Variants in ASB1 observed in about 807,000 individuals in gnomAD.
ASB1 encodes the protein ankyrin repeat and SOCS box protein 1.
A neutral mutation model predicts 27.7 loss-of-function variants in ASB1; 18 were observed. That is an observed-to-expected ratio of 0.65 (90% confidence interval 0.45 to 0.96). The LOEUF (loss-of-function observed/expected upper bound fraction) is 0.96. ASB1 is among the 50% of genes least tolerant of loss of function. The pLI, the probability that ASB1 is intolerant of heterozygous loss-of-function variation, is 0.00. For missense variants in ASB1, 397 were observed against 451.7 expected (o/e 0.88, Z 1.10); for synonymous variants, 189 against 187.6 (o/e 1.01, Z -0.06).
intron 3 of ASB1, among the ~76,000 whole-genome samples, chr2:238,442,683 C>T (rs756758924): frequency 3.3e-5 from 5 of 152,082 alleles, no homozygotes; most frequent in African/African-American, 7.2e-5. Flanking sequence ...TCATATTTTA[C>T]GTTTTAAGTT....
At position 238,435,828 on chromosome 2, in the gene ASB1, G is replaced by A. The variant is rs776952595; in HGVS notation, c.309G>A (p.Glu103=). 2 of 1,614,266 alleles carry A rather than the reference G, an allele frequency of 1.2e-6. No individual in the cohort carries two copies. Among genetic ancestry groups the A allele is most frequent in the Admixed American group, 1.7e-5 (1 of 60,032 alleles). The change falls in exon 3 of 5, where the codon GAG becomes GAA. Residue 103 remains glutamate (E), a synonymous_variant. Coordinates refer to ENST00000264607, the MANE Select transcript of ASB1 (RefSeq NM_001040445.3). Reference sequence around the variant, plus strand: ...ACTTCCTCATCCGGAAGGGGGCCGAGGTGGATCTGGTGGACGTAAAAGGAC... The same window carrying A: ...ACTTCCTCATCCGGAAGGGGGCCGAAGTGGATCTGGTGGACGTAAAAGGAC... ...CVDFLIRKGA[E]VDLVDVKGQT...
At chr2:238,435,406 T>G in intron 2 of ASB1, 2 of 376,034 alleles carry the variant, frequency 5.3e-6, no homozygotes, top group East Asian at 5.7e-5. Flanking sequence ...CCTTCCCACC[T>G]TTGTAGAGGA....
rs746430637 is a variant in ASB1 at position 238,448,386 on chromosome 2, GGCA to G, written c.*1877_*1879del. 6.6e-6 allele frequency: 1 copy of G among 152,410 alleles called. No homozygotes were observed. Among genetic ancestry groups the G allele is most frequent in the Non-Finnish European group, 1.5e-5 (1 of 68,196 alleles). 9.4% of individuals were successfully genotyped at this position (152,410 alleles called of 1,614,324 possible). ...CTGGGCCTTGTCACTGGAGGTCGTAGGCAGTGGCTCATCACCCTGGTAGGGCTG... is the reference window on the plus strand; with the variant it reads ...CTGGGCCTTGTCACTGGAGGTCGTAGGTGGCTCATCACCCTGGTAGGGCTG... On this transcript the variant is annotated 3_prime_UTR_variant, in exon 5 of 5. Transcript: ENST00000264607.
chr2:238,434,327 T>G (rs368641664), intron 2 of ASB1, among the ~76,000 whole-genome samples: 13 of 152,244 alleles, frequency 8.5e-5, no homozygotes, highest in East Asian at 3.9e-4. Context: ...GGGAGCAGAG[T>G]CTGCTTGCTC....
At chr2:238,446,242 C>T (rs560747224) in intron 4 of ASB1, 142 bp from the exon 5 acceptor site, 2 of 929,286 alleles carry the variant, frequency 2.2e-6, no homozygotes, top group South Asian at 3.5e-5. Flanking sequence ...GAAAAGCCAT[C>T]ACTTTGTGTT....
In ASB1 at chr2:238,436,971, G is replaced by A. The variant is rs541465413; in HGVS notation, c.494+958G>A. 3.0e-4 allele frequency among the ~76,000 whole-genome samples: 46 copies of A among 152,184 alleles called. No homozygotes were observed. The South Asian group carries it at 9.3e-3, about 31-fold the overall frequency. On this transcript the variant is annotated intron_variant, in intron 3 of 4. Coordinates refer to ENST00000264607, the MANE Select transcript of ASB1 (RefSeq NM_001040445.3). ...CTCTATCAAAACAAGAGTACTATTA[G>A]TTTTATTTAAGGCCCATTTACATGG...
intron 1 of ASB1, among the ~76,000 whole-genome samples, chr2:238,431,496 G>C (rs1390846257): frequency 6.6e-6 from 1 of 152,210 alleles, no homozygotes; most frequent in African/African-American, 2.4e-5. Context: ...TGTTTACAGG[G>C]GTAGCACTTT....
Position 238,435,934 on chromosome 2 carries a change from G to A in ASB1, c.415G>A (p.Gly139Arg). ...ILLEAGADPN[G>R]SRHHRSTPVY... is the part of the protein sequence containing the mutation. Reference sequence around the variant, plus strand: ...TCTCGAAGCTGGCGCGGACCCCAACGGAAGCCGGCACCATCGCAGCACCCC... The same window carrying A: ...TCTCGAAGCTGGCGCGGACCCCAACAGAAGCCGGCACCATCGCAGCACCCC... Residue 139 changes from glycine (G) to arginine (R), a missense_variant, in exon 3 of 5, where the codon GGA becomes AGA. By Grantham distance (125) the Gly-to-Arg change is moderately radical. Transcript: ENST00000264607. 2.5e-6 allele frequency: 4 copies of A among 1,614,168 alleles called. No individual in the cohort carries two copies. The highest frequency in any genetic ancestry group is 1.7e-5 in the Admixed American group (1 of 60,034).
chr2:238,438,172 C>T (rs75860808), intron 3 of ASB1, among the ~76,000 whole-genome samples: 315 of 148,246 alleles, frequency 2.1e-3, no homozygotes, highest in African/African-American at 7.6e-3. Context: ...GCAGGCTGCC[C>T]GAGAAGTACA....
intron 1 of ASB1, among the ~76,000 whole-genome samples, chr2:238,432,938 G>A (rs2106403439): frequency 6.6e-6 from 1 of 152,012 alleles, no homozygotes; most frequent in South Asian, 2.1e-4. Flanking sequence ...AGTAGAGATG[G>A]GGTTTCACCA....
At chr2:238,427,803 G>A in intron 1 of ASB1, 1 of 152,590 alleles carries the variant, frequency 6.6e-6, no homozygotes, top group Non-Finnish European at 1.5e-5. Flanking sequence ...TGTGGTGGGA[G>A]TTCCTTCTTG....
chr2:238,437,759 T>C (rs942738521), intron 3 of ASB1, among the ~76,000 whole-genome samples: 4 of 152,228 alleles, frequency 2.6e-5, no homozygotes, highest in Admixed American at 2.0e-4. Flanking sequence ...TCTGTTGTTA[T>C]AGGCTGCAGC....
intron 1 of ASB1, 48 bp from the exon 2 acceptor site, chr2:238,433,506 C>T: frequency 6.2e-7 from 1 of 1,604,780 alleles, no homozygotes; most frequent in Non-Finnish European, 8.5e-7. Context: ...TTTGGTTAGT[C>T]TTGGCAGGGC....
chr2:238,427,075 C>T lies in ASB1; in HGVS notation c.5C>T (p.Ala2Val). The change falls in exon 1 of 5, where the codon GCG becomes GTG. Residue 2 changes from alanine (A) to valine (V), a missense_variant. Physicochemically the swap from Ala to Val is moderately conservative, Grantham distance 64 (BLOSUM62 0). Transcript: ENST00000264607. M[A>V]EGGSPDGRAG... The stretch of plus-strand genomic sequence containing the variant: ...GCCGCGGAGGCGGAAGCATCCATGG[C>T]GGAGGGCGGCAGCCCAGACGGGCGG... 4 of 1,263,070 alleles carry T rather than the reference C, an allele frequency of 3.2e-6. No homozygotes were observed. The highest frequency in any genetic ancestry group is 2.9e-5 in the South Asian group (1 of 34,592). The allele number at this position is 1,263,070 out of a possible 1,614,324, so 78.2% of individuals were successfully genotyped here.
In ASB1 at chr2:238,444,725, G is replaced by C. The variant is rs748752055; in HGVS notation, c.878G>C (p.Arg293Thr). The part of the protein sequence containing the change: ...PEALQVFKEA[R>T]SVPRTLLCLC... ...GCCTTGCAGGTCTTTAAAGAGGCCA[G>C]AAGTAAGTGGCTTGAGTTCAGCTCT... Residue 293 changes from arginine to threonine, a missense_variant and splice_region_variant, in exon 4 of 5, where the codon AGA (arginine) becomes ACA (threonine). By Grantham distance (71) the Arg-to-Thr change is moderately conservative. Transcript: ENST00000264607. 2.5e-6 allele frequency: 4 copies of C among 1,603,436 alleles called. No individual in the cohort carries two copies. The African/African-American group carries it at 5.4e-5, about 21-fold the overall frequency.
intron 1 of ASB1, among the ~76,000 whole-genome samples, chr2:238,428,470 G>T (rs531771872): frequency 6.6e-6 from 1 of 152,258 alleles, no homozygotes; most frequent in African/African-American, 2.4e-5. Flanking sequence ...TTGTATTTTA[G>T]TAGAGACGGG....
intron 2 of ASB1, among the ~76,000 whole-genome samples, 166 bp from the exon 3 acceptor site, chr2:238,435,545 G>A (rs1701950724): frequency 6.6e-6 from 1 of 152,178 alleles, no homozygotes; most frequent in Admixed American, 6.5e-5. Context: ...GCCATGCCCC[G>A]GTCCCGCAGG....
chr2:238,428,661 A>G (rs746051570), intron 1 of ASB1, among the ~76,000 whole-genome samples: 1 of 152,202 alleles, frequency 6.6e-6, no homozygotes, highest in African/African-American at 2.4e-5. Flanking sequence ...GGCCTCGGGT[A>G]GAGGGGCAAC....
rs12999806 is a variant in ASB1, at chr2:238,448,337, G to A, written c.*1826G>A. ...ATAGGGAGTTAAGGAATGATGATAC[G>A]GAAGTTGGAGCCACCACCGTGGACT... On this transcript the variant is annotated 3_prime_UTR_variant, in exon 5 of 5. Transcript: ENST00000264607. 0.065 allele frequency: 9,858 copies of A among 152,330 alleles called. 505 individuals are homozygous for A. The highest frequency in any genetic ancestry group is 0.13 in the African/African-American group (5,537 of 41,504). The allele number at this position is 152,330 out of a possible 1,614,324, so 9.4% of individuals were successfully genotyped here. A position where few individuals can be genotyped will look rare whatever the true frequency, so the allele number is the denominator to read the frequency against.
Sources: allele counts gnomAD v4.1 joint callset (sites outside exome capture counted in the v4.1 genomes callset), GRCh38; gene constraint gnomAD v4.1.1; transcripts MANE v1.5; gene names NCBI Gene and HGNC (gene_info 2026-07-23, HGNC 2026-07-21).